The following SLC39A13 variants were observed in gnomAD, a reference collection of about 807,000 sequenced individuals.
SLC39A13 encodes the protein zinc transporter ZIP13.
In SLC39A13, 18 loss-of-function variants were observed where a neutral mutation model predicts 38.7. The observed-to-expected ratio is 0.47, with a 90% CI of 0.32 to 0.69. The LOEUF (loss-of-function observed/expected upper bound fraction) is 0.69. Among genes scored for constraint, SLC39A13 ranks in the 30% least tolerant of loss-of-function variants. The pLI, the probability that SLC39A13 is intolerant of heterozygous loss-of-function variation, is 0.03. For missense variants in SLC39A13, 395 were observed against 490.7 expected, an observed-to-expected ratio of 0.80 and a Z score of 1.84; for synonymous variants, 212 against 219.1, an observed-to-expected ratio of 0.97 and a Z score of 0.29.
intron 2 of SLC39A13, 140 bp downstream of exon 2, chr11:47,410,535 G>T (rs566323896): frequency 1.7e-4 from 204 of 1,195,650 alleles, no homozygotes; most frequent in Admixed American, 2.4e-4. Context: ...GGTCCTGTAG[G>T]AGCTATCTAG....
At position 47,415,787 on chromosome 11, in the gene SLC39A13, C is replaced by CA. The variant is rs1337787176; in HGVS notation, c.*425dup. The CA allele has an allele frequency of 3.2e-6, 1 of 312,396 alleles. No individual in the cohort carries two copies. The highest frequency in any genetic ancestry group is 6.2e-6 in the Non-Finnish European group (1 of 160,416). The allele number at this position is 312,396 out of a possible 1,614,324, so 19.4% of individuals were successfully genotyped here. Reference sequence around the variant, plus strand: ...TGCCCACCTCCCACTGCCCCCTCAGCACACACACAGTCCCCAGGCGGCCTA... The same window carrying CA: ...TGCCCACCTCCCACTGCCCCCTCAGCAACACACACAGTCCCCAGGCGGCCTA... On this transcript the variant is annotated 3_prime_UTR_variant, in exon 10 of 10. Transcript: ENST00000362021.
At chr11:47,410,931 A>G (rs1218484350) in intron 2 of SLC39A13, among the ~76,000 whole-genome samples, 3 of 152,200 alleles carry the variant, frequency 2.0e-5, no homozygotes, top group Non-Finnish European at 4.4e-5. Flanking sequence ...ACAGCTGTGA[A>G]TAGAGCCCTG....
rs527538142 is a variant in SLC39A13, at chr11:47,415,966, A to G, written c.*603A>G. 1 of 162,398 alleles carries G rather than the reference A, an allele frequency of 6.2e-6. No individual in the cohort carries two copies. Among genetic ancestry groups the G allele is most frequent in the East Asian group, 1.8e-4 (1 of 5,692 alleles). The allele number at this position is 162,398 out of a possible 1,614,324, so 10.1% of individuals were successfully genotyped here. ...GTAGTGAGCTGGGAGGCGCTTCCTAAGACCCTTTCCTCAGGGCTGCCCTGG... is the reference window on the plus strand; with the variant it reads ...GTAGTGAGCTGGGAGGCGCTTCCTAGGACCCTTTCCTCAGGGCTGCCCTGG... On this transcript the variant is annotated 3_prime_UTR_variant, in exon 10 of 10. Transcript: ENST00000362021.
rs188625125 is a variant in SLC39A13 at position 47,413,309 on chromosome 11, G to A, written c.538-91G>A. 4.5e-4 allele frequency: 596 copies of A among 1,336,294 alleles called. 5 individuals carry two copies. The Admixed American group carries it at 9.6e-3, about 21-fold the overall frequency. 82.8% of individuals were successfully genotyped at this position (1,336,294 alleles called of 1,614,324 possible). On this transcript the variant is annotated intron_variant, in intron 4 of 9. Coordinates refer to ENST00000362021, the MANE Select transcript of SLC39A13 (RefSeq NM_001128225.3). ...GCATGAGCCACTGCACCCAGCCCCC[G>A]TCTCTCTTTCTCCATCTCTCTCCCC...
chr11:47,410,208 G>T lies in SLC39A13; in HGVS notation c.114G>T (p.Arg38=). The T allele has an allele frequency of 6.2e-7, 1 of 1,613,960 alleles. No individual in the cohort carries two copies. ...ERAGGSQPAL[R]SRGTATACRL... ...CTGGGGGTTCCCAGCCGGCCCTCCG[G>T]AGCCGGGGGACTGCGACGGCCTGTC... The change falls in exon 2 of 10, where the codon CGG becomes CGT. Residue 38 remains arginine, a synonymous_variant. Transcript: ENST00000362021.
chr11:47,407,545 C>T (rs2095976876), upstream of SLC39A13: 1 of 152,306 alleles, frequency 6.6e-6, no homozygotes, highest in Non-Finnish European at 1.5e-5. Context: ...TGAGTACCCA[C>T]ATGCCCCTTC....
chr11:47,414,780 G>A lies in SLC39A13; in HGVS notation c.790G>A (p.Gly264Ser), dbSNP rs1163180783. 1 of 1,608,416 alleles carries A rather than the reference G, an allele frequency of 6.2e-7. No individual in the cohort carries two copies. Among genetic ancestry groups the A allele is most frequent in the Non-Finnish European group, 8.5e-7 (1 of 1,179,990 alleles). ...GAACCTCTGGACCTCCCTTCAGGTG[G>A]GCGACTTTGCCATCCTGCTCCGGGC... The part of the protein sequence containing the change: ...ILLHEIPHEV[G>S]DFAILLRAGF... Residue 264 changes from glycine (G) to serine (S), a missense_variant, in exon 8 of 10, where the codon GGC (glycine) becomes AGC (serine). Physicochemically the swap from Gly to Ser is moderately conservative, Grantham distance 56. Coordinates refer to ENST00000362021, the MANE Select transcript of SLC39A13 (RefSeq NM_001128225.3).
chr11:47,411,929 G>A lies in SLC39A13; in HGVS notation c.305G>A (p.Gly102Glu). 6.2e-7 allele frequency: 1 copy of A among 1,613,012 alleles called. No individual in the cohort carries two copies. Among genetic ancestry groups the A allele is most frequent in the South Asian group, 1.1e-5 (1 of 90,794 alleles). Residue 102 changes from glycine to glutamate, a missense_variant, in exon 3 of 10, where the codon GGG (glycine) becomes GAG (glutamate). Physicochemically the swap from Gly to Glu is moderately conservative, Grantham distance 98. Coordinates refer to ENST00000362021, the MANE Select transcript of SLC39A13 (RefSeq NM_001128225.3). ...ACCCCGCATCTCTCCCTTGTAGCTG[G>A]GGCCTGGCGCCTGAAGCAGCTGCTC... The part of the protein sequence containing the change: ...EMGTMLRSEA[G>E]AWRLKQLLSF...
chr11:47,414,239 C>T, intron 6 of SLC39A13, 186 bp from the exon 7 acceptor site: 1 of 676,204 alleles, frequency 1.5e-6, no homozygotes, highest in Non-Finnish European at 2.6e-6. Flanking sequence ...TGTCTCTCCC[C>T]TCTATACCGC....
Position 47,415,154 on chromosome 11 carries a change from C to T in SLC39A13, c.1035C>T (p.Asp345=), listed in dbSNP as rs1055406713. The change falls in exon 9 of 10, where the codon GAC becomes GAT. Residue 345 remains aspartate, a synonymous_variant. Transcript: ENST00000362021. ...TCCCTGACCTCTTGGAAGAAGAGGA[C>T]CCGTGGTGAGTGACCTGTTGGAGGA... ...NVLPDLLEEE[D]PWRSLQQLLL... is the part of the protein sequence containing the mutation. 1.2e-6 allele frequency: 2 copies of T among 1,611,634 alleles called. No individual in the cohort carries two copies. Among genetic ancestry groups the T allele is most frequent in the African/African-American group, 1.3e-5 (1 of 74,826 alleles).
chr11:47,410,708 CAT>C (rs1376237734), intron 2 of SLC39A13, among the ~76,000 whole-genome samples: 2 of 152,152 alleles, frequency 1.3e-5, no homozygotes, highest in Admixed American at 1.3e-4. Flanking sequence ...TCACAAATAA[CAT>C]GTTGTAACAA....
intron 3 of SLC39A13, 39 bp from the exon 4 acceptor site, chr11:47,412,307 G>T (rs770346014): frequency 1.3e-5 from 20 of 1,596,472 alleles, no homozygotes; most frequent in South Asian, 1.0e-4. Context: ...CCCTGGCTTG[G>T]CTTGGCCTGG....
intron 2 of SLC39A13, 129 bp from the exon 3 acceptor site, chr11:47,411,797 A>T: frequency 3.6e-6 from 3 of 828,636 alleles, no homozygotes; most frequent in Non-Finnish European, 5.9e-6. Context: ...GAGGTGGGGG[A>T]CCCAGGAAGA....
rs191351346 is a variant in SLC39A13, at chr11:47,415,795, C to T, written c.*432C>T. On this transcript the variant is annotated 3_prime_UTR_variant, in exon 10 of 10. Transcript: ENST00000362021. ...TCCCACTGCCCCCTCAGCACACACA[C>T]AGTCCCCAGGCGGCCTAGGGGCCAA... The T allele has an allele frequency of 1.1e-4, 33 of 301,284 alleles. No homozygotes were observed. Among genetic ancestry groups the T allele is most frequent in the African/African-American group, 6.5e-4 (30 of 46,204 alleles). The allele number at this position is 301,284 out of a possible 1,614,324, so 18.7% of individuals were successfully genotyped here. A position where few individuals can be genotyped will look rare whatever the true frequency, so the allele number is the denominator to read the frequency against.
intron 2 of SLC39A13, 36 bp from the exon 3 acceptor site, chr11:47,411,890 C>T (rs373067114): frequency 1.7e-4 from 263 of 1,590,524 alleles, no homozygotes; most frequent in Non-Finnish European, 2.2e-4. Flanking sequence ...GAGCTCCAGC[C>T]AGTCAGCCCC....
chr11:47,414,486 G>A lies in SLC39A13; in HGVS notation c.786+11G>A, dbSNP rs779890037. ...GAGATCCCCCATGAGGTGAGCGCTT[G>A]TAGGGCAGCCCCCAGGGGCCCAGGC... On this transcript the variant is annotated intron_variant, in intron 7 of 9. Coordinates refer to ENST00000362021, the MANE Select transcript of SLC39A13 (RefSeq NM_001128225.3). 6.2e-7 allele frequency: 1 copy of A among 1,611,838 alleles called. No homozygotes were observed. The highest frequency in any genetic ancestry group is 1.1e-5 in the South Asian group (1 of 90,660).
At chr11:47,410,726 G>C (rs1019100887) in intron 2 of SLC39A13, among the ~76,000 whole-genome samples, 1 of 152,158 alleles carries the variant, frequency 6.6e-6, no homozygotes, top group East Asian at 1.9e-4. Flanking sequence ...AACAAAACAC[G>C]CAGGAGAGCT....
At position 47,412,333 on chromosome 11, in the gene SLC39A13, C is replaced by T. The variant is rs373723938; in HGVS notation, c.416-13C>T. ...CTTGGCCTGGCCTGGCCTGGCATTG[C>T]CGCCCCCTGCAGGTGGTGAGGGGCA... On this transcript the variant is annotated splice_polypyrimidine_tract_variant and intron_variant, in intron 3 of 9. Transcript: ENST00000362021. The T allele has an allele frequency of 1.2e-3, 1,878 of 1,610,118 alleles. 2 individuals carry two copies. Among genetic ancestry groups the T allele is most frequent in the Non-Finnish European group, 1.4e-3 (1,702 of 1,178,398 alleles).
chr11:47,412,492 G>T (rs1395699704), intron 4 of SLC39A13, 25 bp downstream of exon 4: 3 of 1,613,964 alleles, frequency 1.9e-6, no homozygotes, highest in Non-Finnish European at 2.5e-6. Context: ...CAAGGGCCTG[G>T]ATATATCAGC....
Sources: allele counts gnomAD v4.1 joint callset (sites outside exome capture counted in the v4.1 genomes callset), GRCh38; gene constraint gnomAD v4.1.1; transcripts MANE v1.5; gene names NCBI Gene and HGNC (gene_info 2026-07-23, HGNC 2026-07-21).